The following ANO3 variants were observed in gnomAD, a reference collection of about 807,000 sequenced individuals.
ANO3 encodes the protein anoctamin 3, also known as anoctamin-3.
In ANO3, 99 loss-of-function variants were observed where a neutral mutation model predicts 144.8. That is an observed-to-expected ratio of 0.68 (90% CI 0.58 to 0.81). ANO3 has a LOEUF of 0.81. ANO3 is among the 30% of genes least tolerant of loss of function. The probability of loss-of-function intolerance (pLI) is 0.00; values close to 1 mark genes in which losing one functional copy is unlikely to be tolerated. For missense variants in ANO3, 905 were observed against 1,202.2 expected (o/e 0.75, Z 3.66); for synonymous variants, 414 against 392.6 (o/e 1.05, Z -0.64).
chr11:26,231,625 C>T (rs898731), intron 1 of ANO3, among the ~76,000 whole-genome samples: 48,820 of 151,996 alleles, frequency 0.32, 8,593 homozygotes, highest in Non-Finnish European at 0.38. Flanking sequence ...TCTGGGGTTT[C>T]GGATTCAAAT....
chr11:26,260,637 T>C (rs1269251576), intron 1 of ANO3, among the ~76,000 whole-genome samples: 1 of 152,162 alleles, frequency 6.6e-6, no homozygotes, highest in Non-Finnish European at 1.5e-5. Context: ...CCAAGGTATG[T>C]GATTCCAGAC....
intron 4 of ANO3, among the ~76,000 whole-genome samples, chr11:26,496,562 T>A (rs952494786): frequency 6.6e-6 from 1 of 152,176 alleles, no homozygotes; most frequent in African/African-American, 2.4e-5. Flanking sequence ...GATTTAGGAA[T>A]ACAAATGCAG....
intron 11 of ANO3, among the ~76,000 whole-genome samples, chr11:26,544,273 T>TATATATATATATACACACACACAC: frequency 3.8e-4 from 22 of 58,562 alleles, no homozygotes; most frequent in East Asian, 3.5e-3. Flanking sequence ...TATATATATA[T>TATATATATATATACACACACACAC]ACACACATAC....
intron 14 of ANO3, among the ~76,000 whole-genome samples, chr11:26,581,931 A>G (rs1851146105): frequency 6.6e-6 from 1 of 152,216 alleles, no homozygotes; most frequent in Non-Finnish European, 1.5e-5. Flanking sequence ...GAGTGTTAAG[A>G]AAATTGGTTA....
chr11:26,534,384 A>AATGG, intron 8 of ANO3, 72 bp from the exon 9 acceptor site: 3 of 1,001,376 alleles, frequency 3.0e-6, no homozygotes, highest in Non-Finnish European at 3.1e-6. Context: ...CATTAGCTTT[A>AATGG]ATGGAACTTG....
chr11:26,578,875 C>T (rs918230634), intron 14 of ANO3, among the ~76,000 whole-genome samples: 6 of 152,108 alleles, frequency 3.9e-5, no homozygotes, highest in African/African-American at 9.7e-5. Context: ...GGAAATGAGA[C>T]GGCTCTCTTC....
At chr11:26,645,120 G>T (rs560507774) in intron 23 of ANO3, among the ~76,000 whole-genome samples, 14 of 151,896 alleles carry the variant, frequency 9.2e-5, no homozygotes, top group African/African-American at 2.4e-4. Flanking sequence ...CTTGTTGTTT[G>T]CTGTCATTTT....
intron 1 of ANO3, among the ~76,000 whole-genome samples, chr11:26,224,421 A>T (rs1357509983): frequency 6.6e-6 from 1 of 152,246 alleles, no homozygotes; most frequent in African/African-American, 2.4e-5. Context: ...TTTCAAGGAC[A>T]TGAAAATAGT....
chr11:26,445,623 A>G (rs750855478), intron 3 of ANO3, among the ~76,000 whole-genome samples: 12 of 152,034 alleles, frequency 7.9e-5, no homozygotes, highest in Non-Finnish European at 1.6e-4. Context: ...CATTTATTCA[A>G]GTTAGAAAGA....
chr11:26,442,619 C>A (rs1272266536), intron 2 of ANO3, among the ~76,000 whole-genome samples: 2 of 152,192 alleles, frequency 1.3e-5, no homozygotes, highest in African/African-American at 2.4e-5. Flanking sequence ...AGGTGCCACA[C>A]AAAGAAACGC....
chr11:26,377,891 C>T (rs1038417747), intron 1 of ANO3, among the ~76,000 whole-genome samples: 8 of 152,082 alleles, frequency 5.3e-5, no homozygotes, highest in African/African-American at 1.9e-4. Flanking sequence ...GAGAAGAAAT[C>T]ACTGTCCATG....
intron 4 of ANO3, 102 bp downstream of exon 4, chr11:26,463,250 G>T (rs1859484122): frequency 3.4e-6 from 2 of 580,116 alleles, no homozygotes; most frequent in African/African-American, 1.9e-5. Flanking sequence ...GAATATAAAA[G>T]AATATACATG....
In ANO3 at chr11:26,287,975, T is replaced by A. The variant is rs116642245; in HGVS notation, c.155-21670T>A. On this transcript the variant is annotated intron_variant, in intron 1 of 27. Transcript: ENST00000672621. ...AAATGCTTACCTCCAAAGAGCCTCA[T>A]GAGAATCTTCTGTCAATTTAATTTC... 621 of 152,350 alleles carry A rather than the reference T, an allele frequency of 4.1e-3. 4 individuals carry two copies. Among genetic ancestry groups the A allele is most frequent in the African/African-American group, 0.014 (589 of 41,586 alleles). 9.4% of individuals were successfully genotyped at this position (152,350 alleles called of 1,614,324 possible).
intron 3 of ANO3, among the ~76,000 whole-genome samples, chr11:26,447,589 G>A (rs1301667464): frequency 1.3e-5 from 2 of 152,152 alleles, no homozygotes; most frequent in African/African-American, 4.8e-5. Flanking sequence ...GAAAGTACAA[G>A]GTGAAGATAA....
intron 4 of ANO3, among the ~76,000 whole-genome samples, chr11:26,493,042 A>G (rs1425314550): frequency 6.6e-6 from 1 of 152,204 alleles, no homozygotes; most frequent in Admixed American, 6.5e-5. Context: ...TTTCTTGTTC[A>G]AGTTGGAGTG....
intron 1 of ANO3, among the ~76,000 whole-genome samples, chr11:26,285,057 T>C (rs1853771923): frequency 6.6e-6 from 1 of 152,200 alleles, no homozygotes; most frequent in Admixed American, 6.5e-5. Context: ...GAATTTCCAC[T>C]AGGGGGAGCT....
At chr11:26,519,181 C>A (rs1014823117) in intron 6 of ANO3, among the ~76,000 whole-genome samples, 1 of 152,104 alleles carries the variant, frequency 6.6e-6, no homozygotes, top group African/African-American at 2.4e-5. Context: ...AAGCCCTTAG[C>A]AACTATCATA....
intron 1 of ANO3, among the ~76,000 whole-genome samples, chr11:26,248,540 T>C (rs1261771680): frequency 6.6e-6 from 1 of 152,126 alleles, no homozygotes; most frequent in African/African-American, 2.4e-5. Context: ...TCAAATGGTA[T>C]TCATTACAAC....
In ANO3 at chr11:26,641,891, T is replaced by C. The variant is rs1853165546; in HGVS notation, c.2142-5T>C. ...CAAAAGTCCTTGGTCTGCTCTGTGA[T>C]GTAGGTTGATCCAGAACTGGTGGTC... On this transcript the variant is annotated splice_polypyrimidine_tract_variant and splice_region_variant and intron_variant, in intron 21 of 26. Coordinates refer to ENST00000256737, the MANE Select transcript of ANO3 (RefSeq NM_031418.4). 1.2e-6 allele frequency: 2 copies of C among 1,613,808 alleles called. No homozygotes were observed. Among genetic ancestry groups the C allele is most frequent in the African/African-American group, 1.3e-5 (1 of 74,912 alleles).
Sources: gnomAD v4.1 joint callset for allele counts (sites outside exome capture counted in the v4.1 genomes callset) on GRCh38, gnomAD v4.1.1 for gene constraint, MANE v1.5 for transcripts, NCBI Gene and HGNC (gene_info 2026-07-23, HGNC 2026-07-21) for gene names.